Variants in DAB1 observed in about 807,000 individuals in gnomAD.
The protein encoded by DAB1 is disabled homolog 1.
DAB1 carries 15 observed loss-of-function variants against 64.6 expected under a neutral mutation model. That is an observed-to-expected ratio of 0.23 (90% CI 0.16 to 0.36). The LOEUF (loss-of-function observed/expected upper bound fraction) is 0.36. Ranked by LOEUF, DAB1 falls within the 10% of genes least tolerant of loss-of-function variation. DAB1 has a pLI of 1.00. For missense variants in DAB1, 596 were observed against 706.7 expected (o/e 0.84, Z 1.78); for synonymous variants, 235 against 251.9 (o/e 0.93, Z 0.64).
chr1:57,098,803 C>G (rs1250648666), intron 4 of DAB1, among the ~76,000 whole-genome samples: 1 of 152,078 alleles, frequency 6.6e-6, no homozygotes, highest in Admixed American at 6.5e-5. Context: ...CCAAATATAC[C>G]TAATCTTGAT....
chr1:58,101,175 G>A (rs1651295649), intron 5 of DAB1, among the ~76,000 whole-genome samples: 1 of 152,084 alleles, frequency 6.6e-6, no homozygotes, highest in South Asian at 2.1e-4. Context: ...AAATTAGCCG[G>A]GCATGGTGGT....
At chr1:57,392,079 C>T (rs922583707) in intron 1 of DAB1, among the ~76,000 whole-genome samples, 51 of 152,076 alleles carry the variant, frequency 3.4e-4, no homozygotes, top group African/African-American at 1.2e-3. Context: ...AGTCATGTAA[C>T]AAAGCATGTA....
At chr1:58,401,396 C>T (rs1195715782) in intron 3 of DAB1, among the ~76,000 whole-genome samples, 1 of 152,178 alleles carries the variant, frequency 6.6e-6, no homozygotes, top group Admixed American at 6.5e-5. Flanking sequence ...CTTCCTTCTG[C>T]CTAGAATCTC....
In DAB1 at chr1:58,506,566, T is replaced by A. The variant is rs115691798; in HGVS notation, n.108-357A>T. On this transcript the variant is annotated intron_variant and non_coding_transcript_variant, in intron 2 of 20. Coordinates refer to the DAB1 transcript ENST00000485760. ...TAACAGAATGCCTGCCCTTCCCATATACAACATTCACAATAACCCTGCTAA... is the reference window on the plus strand; with the variant it reads ...TAACAGAATGCCTGCCCTTCCCATAAACAACATTCACAATAACCCTGCTAA... 3.8e-3 allele frequency among the ~76,000 whole-genome samples: 580 copies of A among 152,288 alleles called. 2 individuals are homozygous for A. Among genetic ancestry groups the A allele is most frequent in the African/African-American group, 0.014 (563 of 41,570 alleles).
intron 3 of DAB1, among the ~76,000 whole-genome samples, chr1:58,503,231 T>C (rs901259293): frequency 6.6e-6 from 1 of 152,174 alleles, no homozygotes; most frequent in African/African-American, 2.4e-5. Flanking sequence ...ATTGTTATCA[T>C]TGCTTTAGAG....
chr1:58,405,376 T>C (rs1359485764), intron 3 of DAB1, among the ~76,000 whole-genome samples: 1 of 152,056 alleles, frequency 6.6e-6, no homozygotes, highest in Non-Finnish European at 1.5e-5. Context: ...CTATTCTGTT[T>C]GTTTAATTTT....
At chr1:57,520,610 G>C (rs1474360347) in intron 7 of DAB1, among the ~76,000 whole-genome samples, 2 of 152,140 alleles carry the variant, frequency 1.3e-5, no homozygotes, top group East Asian at 3.9e-4. Flanking sequence ...ATTAGACATT[G>C]TTATACTGCT....
At chr1:57,022,694 A>G (rs1467071130) in intron 11 of DAB1, among the ~76,000 whole-genome samples, 1 of 152,284 alleles carries the variant, frequency 6.6e-6, no homozygotes, top group East Asian at 1.9e-4. Context: ...AAAATATTCA[A>G]ACAACTCTAT....
chr1:57,876,323 G>A (rs1326899396), intron 1 of DAB1: 1 of 152,066 alleles, frequency 6.6e-6, no homozygotes, highest in Non-Finnish European at 1.5e-5. Context: ...GTCCCCAGAA[G>A]GATAAAAAAA....
At chr1:57,994,207 T>G (rs1190641084) in intron 5 of DAB1, among the ~76,000 whole-genome samples, 1 of 152,054 alleles carries the variant, frequency 6.6e-6, no homozygotes, top group Non-Finnish European at 1.5e-5. Context: ...AGATGCTGAG[T>G]TTGTCTATAT....
At chr1:58,502,952 T>A (rs1645929394) in intron 3 of DAB1, among the ~76,000 whole-genome samples, 1 of 152,224 alleles carries the variant, frequency 6.6e-6, no homozygotes, top group Admixed American at 6.5e-5. Flanking sequence ...TTTGTCTTCA[T>A]CATTTGCTCC....
At chr1:57,939,631 C>A (rs1440657753) in intron 5 of DAB1, among the ~76,000 whole-genome samples, 1 of 152,202 alleles carries the variant, frequency 6.6e-6, no homozygotes, top group Non-Finnish European at 1.5e-5. Context: ...TTGGGGGAGG[C>A]AGAGTCCATG....
At chr1:57,020,285 TG>T (rs1222260420) in intron 11 of DAB1, among the ~76,000 whole-genome samples, 1 of 152,250 alleles carries the variant, frequency 6.6e-6, no homozygotes, top group Admixed American at 6.5e-5. Context: ...CCAAGGCTCC[TG>T]AAGAACCATG....
intron 1 of DAB1, among the ~76,000 whole-genome samples, chr1:57,413,695 G>C (rs1684281683): frequency 7.3e-6 from 1 of 136,818 alleles, no homozygotes; most frequent in Admixed American, 8.1e-5. Context: ...AGTGAGCTGA[G>C]ATCGCGCCAC....
rs963538503 is a variant in DAB1 at position 58,376,614 on chromosome 1, TTGAATAGGTGTGG to T, written n.258-33224_258-33212del. Among the ~76,000 whole-genome samples the T allele has an allele frequency of 2.0e-4, 30 of 147,640 alleles. 1 individual carries two copies. Among genetic ancestry groups the T allele is most frequent in the African/African-American group, 7.5e-4 (30 of 39,744 alleles). ...TTACTTCCAACTATGTGGTCAATTT[TTGAATAGGTGTGG>T]TGTGGTGCTGAAAAAAATGTATATT... On this transcript the variant is annotated intron_variant and non_coding_transcript_variant, in intron 3 of 20. Coordinates refer to the DAB1 transcript ENST00000485760.
chr1:57,095,095 G>A (rs914603536), intron 4 of DAB1, among the ~76,000 whole-genome samples: 1 of 152,126 alleles, frequency 6.6e-6, no homozygotes, highest in Non-Finnish European at 1.5e-5. Context: ...CTCTCCTTCA[G>A]GCTGGGTTGA....
At chr1:58,428,340 C>T (rs974927903) in intron 3 of DAB1, among the ~76,000 whole-genome samples, 2 of 152,178 alleles carry the variant, frequency 1.3e-5, no homozygotes, top group Non-Finnish European at 2.9e-5. Context: ...ACAGGAAATA[C>T]AGGAGACAGA....
intron 3 of DAB1, among the ~76,000 whole-genome samples, chr1:58,429,405 A>G (rs1168135539): frequency 6.6e-6 from 1 of 152,186 alleles, no homozygotes; most frequent in African/African-American, 2.4e-5. Flanking sequence ...GAGTCCAGGA[A>G]TTGAGGAGAA....
chr1:57,886,125 C>T (rs1644217350), upstream of DAB1, among the ~76,000 whole-genome samples: 1 of 151,798 alleles, frequency 6.6e-6, no homozygotes, highest in Non-Finnish European at 1.5e-5. Context: ...CAAATGCCAC[C>T]AACTCCAAAT....
Sources: allele counts gnomAD v4.1 joint callset (sites outside exome capture counted in the v4.1 genomes callset), GRCh38; gene constraint gnomAD v4.1.1; transcripts MANE v1.5; gene names NCBI Gene and HGNC (gene_info 2026-07-23, HGNC 2026-07-21).